PRELID1: variants seen among roughly 807,000 people sequenced by gnomAD.
PRELID1 encodes PRELI domain containing 1.
PRELID1 carries 15 observed loss-of-function variants against 29.0 expected under a neutral mutation model. That is an observed-to-expected ratio of 0.52 (90% CI 0.35 to 0.80). PRELID1 has a LOEUF of 0.80. Among genes scored for constraint, PRELID1 ranks in the 30% least tolerant of loss-of-function variants. PRELID1 has a pLI of 0.01. For missense variants in PRELID1, 187 were observed against 275.9 expected (o/e 0.68, Z 2.28); for synonymous variants, 79 against 106.5 (o/e 0.74, Z 1.59).
At chr5:177,305,177 G>C (rs1296431722) in intron 2 of PRELID1, among the ~76,000 whole-genome samples, 2 of 150,594 alleles carry the variant, frequency 1.3e-5, no homozygotes, top group African/African-American at 4.9e-5. Context: ...GAGTGATGCT[G>C]AGTGGCGGAG....
chr5:177,304,379 C>A, intron 1 of PRELID1: 1 of 617,694 alleles, frequency 1.6e-6, no homozygotes, highest in Non-Finnish European at 2.9e-6. Context: ...TGGCGCTTTC[C>A]TGGGGTGCAA....
rs1760889473 is a variant in PRELID1 at position 177,306,756 on chromosome 5, A to T, written c.*186A>T. 9.7e-7 allele frequency: 1 copy of T among 1,028,986 alleles called. No individual in the cohort carries two copies. Among genetic ancestry groups the T allele is most frequent in the Non-Finnish European group, 1.4e-6 (1 of 722,386 alleles). 63.7% of individuals were successfully genotyped at this position (1,028,986 alleles called of 1,614,324 possible). On this transcript the variant is annotated 3_prime_UTR_variant, in exon 5 of 5. Coordinates refer to ENST00000303204, the MANE Select transcript of PRELID1 (RefSeq NM_013237.4). ...ATTCATGTCTGAGCCAGGTCTGCTT[A>T]TTCTCCCATTGGGCAGCTGAGGACC...
intron 2 of PRELID1, among the ~76,000 whole-genome samples, chr5:177,305,116 C>T (rs1423008798): frequency 2.6e-5 from 4 of 152,160 alleles, no homozygotes; most frequent in Non-Finnish European, 5.9e-5. Context: ...GTTCTAAATG[C>T]AAAGCGCTCC....
intron 1 of PRELID1, 75 bp from the exon 2 acceptor site, chr5:177,304,550 C>T (rs1760805321): frequency 7.7e-7 from 1 of 1,296,506 alleles, no homozygotes; most frequent in South Asian, 1.2e-5. Flanking sequence ...GGCCCGGAGC[C>T]TCCAAATGGG....
intron 1 of PRELID1, 144 bp from the exon 2 acceptor site, chr5:177,304,480 TC>T (rs1315595062): frequency 9.1e-6 from 7 of 766,078 alleles, no homozygotes; most frequent in Non-Finnish European, 1.6e-5. Context: ...GGCCCTTAAC[TC>T]TGGTTTGAAC....
At position 177,303,898 on chromosome 5, in the gene PRELID1, G is replaced by C. The variant is rs1760783991; in HGVS notation, c.-88G>C. ...ACGAGCCTGGCGGCGGGTGTGCGCC[G>C]AGCCCCGGCCCGGCCCGGCCCTCGC... is the stretch of plus-strand genomic sequence containing the variant. On this transcript the variant is annotated 5_prime_UTR_variant, in exon 1 of 5. Coordinates refer to ENST00000303204, the MANE Select transcript of PRELID1 (RefSeq NM_013237.4). This position sits in a 1 kb window ranked among gnomAD's most constrained non-coding sequence, Gnocchi z 6.1. 1 of 1,192,134 alleles carries C rather than the reference G, an allele frequency of 8.4e-7. No individual in the cohort carries two copies. Among genetic ancestry groups the C allele is most frequent in the Admixed American group, 2.2e-5 (1 of 46,304 alleles). The allele number at this position is 1,192,134 out of a possible 1,614,324, so 73.8% of individuals were successfully genotyped here.
chr5:177,306,911 A>C lies in PRELID1; in HGVS notation c.*341A>C, dbSNP rs774972690. ...TGTTCTCTGATGTGTCTCAGTATCT[A>C]GCACATAATAGACACTCAATAAATA... On this transcript the variant is annotated 3_prime_UTR_variant, in exon 5 of 5. Coordinates refer to ENST00000303204, the MANE Select transcript of PRELID1 (RefSeq NM_013237.4). 2 of 777,940 alleles carry C rather than the reference A, an allele frequency of 2.6e-6. No individual in the cohort carries two copies. Among genetic ancestry groups the C allele is most frequent in the Non-Finnish European group, 4.0e-6 (2 of 500,556 alleles). The allele number at this position is 777,940 out of a possible 1,614,324, so 48.2% of individuals were successfully genotyped here.
Position 177,305,931 on chromosome 5 carries a change from C to A in PRELID1, c.379C>A (p.Arg127Ser). The A allele has an allele frequency of 6.2e-7, 1 of 1,614,108 alleles. No individual in the cohort carries two copies. Among genetic ancestry groups the A allele is most frequent in the Non-Finnish European group, 8.5e-7 (1 of 1,180,020 alleles). Residue 127 changes from arginine (R) to serine (S), a missense_variant, in exon 3 of 5, where the codon CGC (arginine) becomes AGC (serine). Coordinates refer to ENST00000303204, the MANE Select transcript of PRELID1 (RefSeq NM_013237.4). ...NSDNSGWTEI[R>S]REAWVSSSLF... ...TGACAACAGTGGCTGGACTGAAATCCGCCGGGAAGCCTGGGTCTCCTCTAG... is the reference window on the plus strand; with the variant it reads ...TGACAACAGTGGCTGGACTGAAATCAGCCGGGAAGCCTGGGTCTCCTCTAG...
At position 177,306,446 on chromosome 5, in the gene PRELID1, T is replaced by C. The variant is rs1395694512; in HGVS notation, c.536T>C (p.Val179Ala). ...GGCGAGGCCCCTTCCAAAACACTTG[T>C]TGAGACAGCCAAGGAAGCCAAGGAG... ...LQGEAPSKTLVETAKEAKEKA... is the reference protein window; with the variant it reads ...LQGEAPSKTLAETAKEAKEKA... The change falls in exon 5 of 5, where the codon GTT becomes GCT. Residue 179 changes from valine to alanine, a missense_variant. By Grantham distance (64) the Val-to-Ala change is moderately conservative (BLOSUM62 0). Coordinates refer to ENST00000303204, the MANE Select transcript of PRELID1 (RefSeq NM_013237.4). 3 of 1,613,866 alleles carry C rather than the reference T, an allele frequency of 1.9e-6. No homozygotes were observed. The highest frequency in any genetic ancestry group is 1.3e-5 in the African/African-American group (1 of 74,862).
chr5:177,305,768 T>C (rs1453514708), intron 2 of PRELID1, 103 bp from the exon 3 acceptor site: 2 of 944,626 alleles, frequency 2.1e-6, no homozygotes, highest in Non-Finnish European at 3.3e-6. Context: ...GAATGGATTT[T>C]CATTGTATTG....
chr5:177,306,619 T>C lies in PRELID1; in HGVS notation c.*49T>C. 6.4e-7 allele frequency: 1 copy of C among 1,572,774 alleles called. No homozygotes were observed. Among genetic ancestry groups the C allele is most frequent in the Non-Finnish European group, 8.6e-7 (1 of 1,158,512 alleles). On this transcript the variant is annotated 3_prime_UTR_variant, in exon 5 of 5. Coordinates refer to ENST00000303204, the MANE Select transcript of PRELID1 (RefSeq NM_013237.4). The stretch of plus-strand genomic sequence containing the variant: ...CCCAGACAGCTAGGCTTAGCCTCTC[T>C]GCCCTCCCTTCATTGTACTTTATCA...
chr5:177,305,615 G>A, intron 2 of PRELID1: 1 of 497,274 alleles, frequency 2.0e-6, no homozygotes, highest in Non-Finnish European at 3.6e-6. Context: ...AGCAGGATGG[G>A]CTGGAAGGCC....
At chr5:177,306,359 G>A in intron 4 of PRELID1, 63 bp from the exon 5 acceptor site, 4 of 1,609,818 alleles carry the variant, frequency 2.5e-6, no homozygotes, top group Non-Finnish European at 3.4e-6. Flanking sequence ...GTGTCATGGG[G>A]GAGGGAAATT....
chr5:177,306,570 G>A lies in PRELID1; in HGVS notation c.660G>A (p.Ter220=), dbSNP rs1321146624. The A allele has an allele frequency of 1.2e-6, 2 of 1,608,954 alleles. No homozygotes were observed. Among genetic ancestry groups the A allele is most frequent in the East Asian group, 2.2e-5 (1 of 44,698 alleles). Residue 220 remains the stop codon, a stop_retained_variant, in exon 5 of 5, where the codon TAG becomes TAA. Coordinates refer to ENST00000303204, the MANE Select transcript of PRELID1 (RefSeq NM_013237.4). ...AGCAGCAGCAGCAACAGTTTGTGTA[G>A]CCAGTCTACCACCACCACAGCACCC... ...KKQQQQQQFV[*] is the part of the protein sequence containing the mutation.
chr5:177,304,104 C>A, intron 1 of PRELID1, 27 bp downstream of exon 1: 1 of 1,587,374 alleles, frequency 6.3e-7, no homozygotes, highest in Non-Finnish European at 8.6e-7. Flanking sequence ...AGAGCAAAAC[C>A]GCGCCATCTC....
intron 4 of PRELID1, 40 bp downstream of exon 4, chr5:177,306,216 G>A: frequency 6.3e-7 from 1 of 1,593,132 alleles, no homozygotes; most frequent in Non-Finnish European, 8.6e-7. Flanking sequence ...ATAGGGAGAG[G>A]CTCATTCAGC....
rs778111990 is a variant in PRELID1 at position 177,305,992 on chromosome 5, G to T, written c.432+8G>T. 6 of 1,612,756 alleles carry T rather than the reference G, an allele frequency of 3.7e-6. No individual in the cohort carries two copies. The East Asian group carries it at 1.1e-4, about 30-fold the overall frequency. The stretch of plus-strand genomic sequence containing the variant: ...GTCTCCAGAGCTGTCCAGGTGAGCA[G>T]TGTTGTTGGGGCTGCTGGGGCTCTG... On this transcript the variant is annotated splice_region_variant and intron_variant, in intron 3 of 4. Transcript: ENST00000303204.
chr5:177,305,639 AAG>A (rs144303874), intron 2 of PRELID1: 3 of 547,676 alleles, frequency 5.5e-6, no homozygotes, highest in Non-Finnish European at 9.8e-6. Flanking sequence ...TGTTGATCTC[AAG>A]AGAGAGACCT....
intron 2 of PRELID1, 128 bp from the exon 3 acceptor site, chr5:177,305,743 T>A: frequency 1.3e-6 from 1 of 750,306 alleles, no homozygotes; most frequent in Non-Finnish European, 2.2e-6. Flanking sequence ...CACTTGGAGG[T>A]GCAGTCAGGG....
Sources: gnomAD v4.1 joint callset for allele counts (sites outside exome capture counted in the v4.1 genomes callset) on GRCh38, gnomAD v4.1.1 for gene constraint, Gnocchi (gnomAD v3.1) non-coding constraint, MANE v1.5 for transcripts, NCBI Gene and HGNC (gene_info 2026-07-23, HGNC 2026-07-21) for gene names.